SERPINA3: variants seen among roughly 807,000 people sequenced by gnomAD.
SERPINA3 encodes serpin family A member 3.
Under a neutral mutation model 26.8 loss-of-function variants are expected in SERPINA3, and 32 were observed. The observed-to-expected ratio is 1.20, with a 90% CI of 0.90 to 1.61. SERPINA3 has a LOEUF of 1.61. Ranked by LOEUF, SERPINA3 falls within the 40% of genes most tolerant of loss-of-function variation. The pLI is 0.00. For missense variants in SERPINA3, 632 were observed against 517.9 expected (o/e 1.22, Z -2.14); for synonymous variants, 252 against 206.4 (o/e 1.22, Z -1.89).
chr14:94,623,798 A>G lies in SERPINA3; in HGVS notation c.1256A>G (p.Asn419Ser). 1 of 1,614,046 alleles carries G rather than the reference A, an allele frequency of 6.2e-7. No individual in the cohort carries two copies. Among genetic ancestry groups the G allele is most frequent in the Non-Finnish European group, 8.5e-7 (1 of 1,180,006 alleles). The change falls in exon 5 of 5, where the codon AAT becomes AGT. Residue 419 changes from asparagine to serine, a missense_variant. Coordinates refer to ENST00000393078, the MANE Select transcript of SERPINA3 (RefSeq NM_001085.5). ...ATCTTCTTCATGAGCAAAGTCACCA[A>G]TCCCAAGCAAGCCTAGAGCTTGCCA... Reference protein sequence around the residue: ...QNIFFMSKVTNPKQA With the variant: ...QNIFFMSKVTSPKQA
chr14:94,619,947 C>T, intron 3 of SERPINA3: 1 of 194,514 alleles, frequency 5.1e-6, no homozygotes, highest in Non-Finnish European at 1.1e-5. Flanking sequence ...AGTAAATCAG[C>T]AAATAAAACA....
chr14:94,622,520 C>T, intron 4 of SERPINA3, 29 bp downstream of exon 4: 1 of 1,612,732 alleles, frequency 6.2e-7, no homozygotes, highest in South Asian at 1.1e-5. Context: ...GTCAATTCAT[C>T]CTTTGTATCC....
At chr14:94,616,096 G>T (rs892478178) in intron 2 of SERPINA3, among the ~76,000 whole-genome samples, 1 of 152,122 alleles carries the variant, frequency 6.6e-6, no homozygotes, top group Non-Finnish European at 1.5e-5. Context: ...CACGCCTCAC[G>T]TGCCATTTGT....
At chr14:94,620,391 G>A (rs1333427107) in intron 3 of SERPINA3, among the ~76,000 whole-genome samples, 12 of 152,296 alleles carry the variant, frequency 7.9e-5, no homozygotes, top group South Asian at 6.2e-4. Flanking sequence ...GCTCCACCAC[G>A]GTGCAGGAGC....
At chr14:94,622,759 A>G in intron 4 of SERPINA3, 1 of 509,112 alleles carries the variant, frequency 2.0e-6, no homozygotes, top group Non-Finnish European at 3.6e-6. Flanking sequence ...TATACCATTT[A>G]CTATCCATGG....
rs529263893 is a variant in SERPINA3 at position 94,612,522 on chromosome 14, G to A, written c.-9+75G>A. The A allele has an allele frequency of 4.5e-6, 4 of 879,662 alleles. No individual in the cohort carries two copies. In the East Asian group the frequency reaches 1.8e-4, roughly 39 times the overall value. The allele number at this position is 879,662 out of a possible 1,614,324, so 54.5% of individuals were successfully genotyped here. On this transcript the variant is annotated intron_variant, in intron 1 of 4. Transcript: ENST00000393078. ...GGAGAGTTTTAGGCAGCAGCCTGGA[G>A]TGTGTGGAGTGTGAGGGGTAAGCAG... is the stretch of plus-strand genomic sequence containing the variant.
chr14:94,620,923 G>T (rs1327533786), intron 3 of SERPINA3, among the ~76,000 whole-genome samples: 1 of 152,172 alleles, frequency 6.6e-6, no homozygotes, highest in Non-Finnish European at 1.5e-5. Context: ...CCTGGAGCAG[G>T]TCGCTGCTCT....
At position 94,619,194 on chromosome 14, in the gene SERPINA3, G is replaced by C; in HGVS notation, c.644-1G>C. The stretch of plus-strand genomic sequence containing the variant: ...TCTCCAACTGCTTGCTCCACCTTCA[G>C]CCAAATGGGAGATGCCCTTTGACCC... On this transcript the variant is annotated splice_acceptor_variant, in intron 2 of 4. Transcript: ENST00000393078. LOFTEE classifies it high-confidence loss of function. 1 of 1,613,840 alleles carries C rather than the reference G, an allele frequency of 6.2e-7. No homozygotes were observed. Among genetic ancestry groups the C allele is most frequent in the Non-Finnish European group, 8.5e-7 (1 of 1,179,764 alleles).
chr14:94,624,026 C>T lies in SERPINA3; in HGVS notation c.*212C>T. ...CTTCAGTCTGGAGGGTCCTGGGCCT[C>T]CTGACAGCAATAAATAATTTCGTTG... On this transcript the variant is annotated 3_prime_UTR_variant, in exon 5 of 5. Transcript: ENST00000393078. 3.3e-6 allele frequency: 2 copies of T among 608,848 alleles called. No homozygotes were observed. Among genetic ancestry groups the T allele is most frequent in the Admixed American group, 2.9e-5 (1 of 34,980 alleles). 37.7% of individuals were successfully genotyped at this position (608,848 alleles called of 1,614,324 possible).
Position 94,622,484 on chromosome 14 carries a change from T to A in SERPINA3, c.1061T>A (p.Val354Asp), listed in dbSNP as rs770319622. 4 of 1,614,054 alleles carry A rather than the reference T, an allele frequency of 2.5e-6. No individual in the cohort carries two copies. Among genetic ancestry groups the A allele is most frequent in the Non-Finnish European group, 3.4e-6 (4 of 1,180,002 alleles). Reference sequence around the variant, plus strand: ...ATCACAGGGGCCAGGAACCTAGCAGTCTCCCAGGTGAGTCTTTAGACTTGG... The same window carrying A: ...ATCACAGGGGCCAGGAACCTAGCAGACTCCCAGGTGAGTCTTTAGACTTGG... Reference protein sequence around the residue: ...SGITGARNLAVSQVVHKAVLD... With the variant: ...SGITGARNLADSQVVHKAVLD... The change falls in exon 4 of 5, where the codon GTC (valine) becomes GAC (aspartate). Residue 354 changes from valine to aspartate, a missense_variant. Physicochemically the swap from Val to Asp is radical, Grantham distance 152. Transcript: ENST00000393078.
At position 94,623,714 on chromosome 14, in the gene SERPINA3, C is replaced by G. The variant is rs775249448; in HGVS notation, c.1172C>G (p.Thr391Ser). The G allele has an allele frequency of 6.2e-7, 1 of 1,614,140 alleles. No homozygotes were observed. The highest frequency in any genetic ancestry group is 8.5e-7 in the Non-Finnish European group (1 of 1,179,982). The change falls in exon 5 of 5, where the codon ACC (threonine) becomes AGC (serine). Residue 391 changes from threonine (T) to serine (S), a missense_variant. By Grantham distance (58) the Thr-to-Ser change is moderately conservative. Transcript: ENST00000393078. The stretch of plus-strand genomic sequence containing the variant: ...CTTTCTGCATTAGTGGAGACAAGGA[C>G]CATTGTGCGTTTCAACAGGCCCTTC... ...TLLSALVETR[T>S]IVRFNRPFLM...
intron 2 of SERPINA3, 140 bp from the exon 3 acceptor site, chr14:94,619,055 A>T: frequency 2.1e-6 from 2 of 930,684 alleles, no homozygotes; most frequent in Non-Finnish European, 3.5e-6. Context: ...AATAACTTTT[A>T]CTCTTGCCAA....
chr14:94,618,878 C>T, intron 2 of SERPINA3: 1 of 483,376 alleles, frequency 2.1e-6, no homozygotes, highest in Non-Finnish European at 3.8e-6. Flanking sequence ...AGGCACCAGC[C>T]TCCCACATGT....
chr14:94,619,384 T>C lies in SERPINA3; in HGVS notation c.833T>C (p.Leu278Pro), dbSNP rs745632400. The C allele has an allele frequency of 1.8e-5, 29 of 1,613,976 alleles. No homozygotes were observed. The Middle Eastern group carries it at 1.3e-3, about 73-fold the overall frequency. Residue 278 changes from leucine (L) to proline (P), a missense_variant, in exon 3 of 5, where the codon CTC becomes CCC. Coordinates refer to ENST00000393078, the MANE Select transcript of SERPINA3 (RefSeq NM_001085.5). ...YTGNASALFILPDQDKMEEVE... is the reference protein window; with the variant it reads ...YTGNASALFIPPDQDKMEEVE... ...GGCAATGCCAGCGCACTCTTCATCC[T>C]CCCTGATCAAGACAAGATGGAGGAA...
chr14:94,618,087 A>G (rs1272241431), intron 2 of SERPINA3: 2 of 152,180 alleles, frequency 1.3e-5, no homozygotes, highest in Non-Finnish European at 2.9e-5. Flanking sequence ...CTATGTCATG[A>G]TTCCCAAAGA....
At chr14:94,622,917 G>A (rs771070039) in intron 4 of SERPINA3, among the ~76,000 whole-genome samples, 13 of 152,214 alleles carry the variant, frequency 8.5e-5, no homozygotes, top group Admixed American at 6.5e-5. Flanking sequence ...AAATATGCTC[G>A]GAGTATGAGA....
chr14:94,619,219 C>T lies in SERPINA3; in HGVS notation c.668C>T (p.Pro223Leu), dbSNP rs773186771. The T allele has an allele frequency of 1.9e-6, 3 of 1,613,998 alleles. No homozygotes were observed. In the African/African-American group the frequency reaches 4.0e-5, roughly 22 times the overall value. ...GCCAAATGGGAGATGCCCTTTGACC[C>T]CCAAGATACTCATCAGTCAAGGTTC... ...FKAKWEMPFD[P>L]QDTHQSRFYL... The change falls in exon 3 of 5, where the codon CCC (proline) becomes CTC (leucine). Residue 223 changes from proline to leucine, a missense_variant. By Grantham distance (98) the Pro-to-Leu change is moderately conservative. Transcript: ENST00000393078.
chr14:94,620,196 G>A (rs1352180988), intron 3 of SERPINA3, among the ~76,000 whole-genome samples: 1 of 152,172 alleles, frequency 6.6e-6, no homozygotes, highest in Non-Finnish European at 1.5e-5. Context: ...GAGGGGTGGA[G>A]TCATGTTGGT....
intron 3 of SERPINA3, among the ~76,000 whole-genome samples, chr14:94,621,135 C>T (rs184119563): frequency 6.7e-4 from 102 of 152,244 alleles, no homozygotes; most frequent in Non-Finnish European, 1.0e-3. Context: ...GGACACCTCT[C>T]GGGATTGCCT....
Sources: allele counts gnomAD v4.1 joint callset (sites outside exome capture counted in the v4.1 genomes callset), GRCh38; gene constraint gnomAD v4.1.1; transcripts MANE v1.5; gene names NCBI Gene and HGNC (gene_info 2026-07-23, HGNC 2026-07-21).